The following EDN3 variants were observed in gnomAD, a reference collection of about 807,000 sequenced individuals.
EDN3 encodes endothelin 3.
In EDN3, 9 loss-of-function variants were observed where a neutral mutation model predicts 21.4. The ratio of observed to expected loss-of-function variants is 0.42; its 90% CI spans 0.25 to 0.73. The LOEUF (loss-of-function observed/expected upper bound fraction) is 0.73, where lower values mean the gene tolerates loss of function less well. Among genes scored for constraint, EDN3 ranks in the 30% least tolerant of loss-of-function variants. The pLI is 0.26. For synonymous variants in EDN3, 133 were observed against 126.2 expected (o/e 1.05, Z -0.36); for missense variants, 327 against 309.4 (o/e 1.06, Z -0.43).
At chr20:59,302,761 A>C (rs1284365255) in intron 2 of EDN3, among the ~76,000 whole-genome samples, 1 of 152,126 alleles carries the variant, frequency 6.6e-6, no homozygotes, top group Non-Finnish European at 1.5e-5. Flanking sequence ...AGCCCCTGGA[A>C]GCCTGGAAAG....
rs532030990 is a variant in EDN3 at position 59,324,397 on chromosome 20, A to C, written c.655A>C (p.Ser219Arg). 1.0e-4 allele frequency: 165 copies of C among 1,614,146 alleles called. No individual in the cohort carries two copies. In the South Asian group the frequency reaches 1.7e-3, roughly 17 times the overall value. The change falls in exon 5 of 5, where the codon AGT becomes CGT. Residue 219 changes from serine (S) to arginine (R), a missense_variant. Ser to Arg is a moderately radical substitution (Grantham distance 110, BLOSUM62 -1). Coordinates refer to ENST00000337938, the MANE Select transcript of EDN3 (RefSeq NM_207034.3). The part of the protein sequence containing the change: ...DLHHPKLMPG[S>R]GLALAPSTCP... ...CCACCATCCAAAGCTCATGCCCGGC[A>C]GTGGACTCGCCCTCGCTCCATCTAC...
rs11570354 is a variant in EDN3 at position 59,324,636 on chromosome 20, C to T, written c.*177C>T. 4 of 807,144 alleles carry T rather than the reference C, an allele frequency of 5.0e-6. No homozygotes were observed. Among genetic ancestry groups the T allele is most frequent in the Non-Finnish European group, 8.0e-6 (4 of 502,784 alleles). The allele number at this position is 807,144 out of a possible 1,614,324, so 50.0% of individuals were successfully genotyped here. A position where few individuals can be genotyped will look rare whatever the true frequency, so the allele number is the denominator to read the frequency against. On this transcript the variant is annotated 3_prime_UTR_variant, in exon 5 of 5. Coordinates refer to ENST00000337938, the MANE Select transcript of EDN3 (RefSeq NM_207034.3). ...GGCAAGAATGCCCAAATCCGAATGA[C>T]CCCAGTTTTCCTAATGAGTAAAATG...
chr20:59,320,770 A>C (rs372657294), intron 2 of EDN3, among the ~76,000 whole-genome samples: 22 of 152,298 alleles, frequency 1.4e-4, no homozygotes, highest in African/African-American at 5.3e-4. Flanking sequence ...GCTGCTGCCC[A>C]GCTACCCAGA....
intron 2 of EDN3, among the ~76,000 whole-genome samples, chr20:59,303,008 C>G (rs1237226218): frequency 1.3e-5 from 2 of 152,196 alleles, no homozygotes; most frequent in Non-Finnish European, 2.9e-5. Context: ...AGATCTGGAA[C>G]ATCACCCCAC....
Position 59,321,207 on chromosome 20 carries a change from T to C in EDN3, c.542+14T>C. The C allele has an allele frequency of 6.2e-7, 1 of 1,614,100 alleles. No homozygotes were observed. On this transcript the variant is annotated intron_variant, in intron 3 of 4. Coordinates refer to ENST00000337938, the MANE Select transcript of EDN3 (RefSeq NM_207034.3). ...GGACGTCAGCAGGTATGACACCTCCTCCAGTTTCACTCATTTGCAGATATG... is the reference window on the plus strand; with the variant it reads ...GGACGTCAGCAGGTATGACACCTCCCCCAGTTTCACTCATTTGCAGATATG...
chr20:59,301,051 C>T (rs1988974566), intron 1 of EDN3, among the ~76,000 whole-genome samples, 187 bp downstream of exon 1: 1 of 152,212 alleles, frequency 6.6e-6, no homozygotes. Flanking sequence ...CCCGCACGGG[C>T]TCCGGGAGTT....
chr20:59,306,499 G>A (rs1450056877), intron 2 of EDN3, among the ~76,000 whole-genome samples: 5 of 150,600 alleles, frequency 3.3e-5, no homozygotes, highest in East Asian at 3.9e-4. Flanking sequence ...TGCCCAGGCC[G>A]GCTTCCCAGG....
chr20:59,325,621 T>G lies in EDN3; in HGVS notation c.*1162T>G, dbSNP rs1452649627. The G allele has an allele frequency of 6.6e-6, 1 of 152,210 alleles. No homozygotes were observed. Among genetic ancestry groups the G allele is most frequent in the Admixed American group, 6.5e-5 (1 of 15,286 alleles). The allele number at this position is 152,210 out of a possible 1,614,324, so 9.4% of individuals were successfully genotyped here. On this transcript the variant is annotated 3_prime_UTR_variant, in exon 5 of 5. Transcript: ENST00000337938. ...CAAATGTTAAATCCTCTGTGTGTAT[T>G]TCATAAGTTATTACAGGTATAAAAG...
At chr20:59,324,088 G>T (rs1990701092) in intron 4 of EDN3, among the ~76,000 whole-genome samples, 1 of 152,206 alleles carries the variant, frequency 6.6e-6, no homozygotes, top group Admixed American at 6.5e-5. Flanking sequence ...ATGGGGCCAG[G>T]CTGCGGGAGG....
rs535224919 is a variant in EDN3, at chr20:59,307,477, A to G, written c.365+5755A>G. On this transcript the variant is annotated intron_variant, in intron 2 of 4. Transcript: ENST00000337938. ...CTGCCAGCCCAGAAGTTTGGCCCTG[A>G]AGCCTGCCCTGTAAGCCTCCTCCTG... 1.4e-4 allele frequency among the ~76,000 whole-genome samples: 21 copies of G among 152,282 alleles called. No individual in the cohort carries two copies. In the South Asian group the frequency reaches 4.4e-3, roughly 32 times the overall value.
intron 2 of EDN3, among the ~76,000 whole-genome samples, chr20:59,320,754 G>C (rs1990482560): frequency 6.6e-6 from 1 of 152,232 alleles, no homozygotes; most frequent in South Asian, 2.1e-4. Context: ...GGCTCCAAGA[G>C]TGCTGGCTGC....
At position 59,324,641 on chromosome 20, in the gene EDN3, G is replaced by C. The variant is rs1990744358; in HGVS notation, c.*182G>C. 1.0e-5 allele frequency: 8 copies of C among 773,856 alleles called. No individual in the cohort carries two copies. In the Admixed American group the frequency reaches 1.8e-4, roughly 17 times the overall value. 47.9% of individuals were successfully genotyped at this position (773,856 alleles called of 1,614,324 possible). ...GAATGCCCAAATCCGAATGACCCCA[G>C]TTTTCCTAATGAGTAAAATGATCCC... is the stretch of plus-strand genomic sequence containing the variant. On this transcript the variant is annotated 3_prime_UTR_variant, in exon 5 of 5. Coordinates refer to ENST00000337938, the MANE Select transcript of EDN3 (RefSeq NM_207034.3).
At chr20:59,309,344 A>G (rs1382782663) in intron 2 of EDN3, among the ~76,000 whole-genome samples, 1 of 152,170 alleles carries the variant, frequency 6.6e-6, no homozygotes. Context: ...CAGAGTAGAT[A>G]TAATGCCTTG....
intron 1 of EDN3, 83 bp from the exon 2 acceptor site, chr20:59,301,327 C>T (rs774160187): frequency 3.5e-4 from 527 of 1,519,284 alleles, no homozygotes; most frequent in Middle Eastern, 3.2e-3. Flanking sequence ...CTTGCTCCAC[C>T]CCCCTCCTCA....
At chr20:59,314,587 G>GT (rs1478999980) in intron 2 of EDN3, among the ~76,000 whole-genome samples, 8 of 152,164 alleles carry the variant, frequency 5.3e-5, no homozygotes, top group Admixed American at 6.5e-5. Flanking sequence ...CTGATCTCGA[G>GT]TTGCCCCTCT....
chr20:59,302,819 C>T (rs1163898423), intron 2 of EDN3, among the ~76,000 whole-genome samples: 2 of 152,190 alleles, frequency 1.3e-5, no homozygotes, highest in East Asian at 3.9e-4. Flanking sequence ...AGGTTCCTCA[C>T]GGTCACCTTT....
At chr20:59,302,423 A>G (rs915907089) in intron 2 of EDN3, among the ~76,000 whole-genome samples, 7 of 151,952 alleles carry the variant, frequency 4.6e-5, no homozygotes, top group Non-Finnish European at 8.8e-5. Context: ...CACCATCCTG[A>G]ATTTGTCTTG....
In EDN3 at chr20:59,305,763, C is replaced by T. The variant is rs1382609017; in HGVS notation, c.365+4041C>T. Among the ~76,000 whole-genome samples the T allele has an allele frequency of 1.3e-5, 2 of 152,294 alleles. No individual in the cohort carries two copies. The highest frequency in any genetic ancestry group is 6.8e-3 in the Middle Eastern group (2 of 294). ...GCAGAATTCTTTTCTGTTCGGGAACCTGTCTTTTCTGTGAAGGCCCTCAAC... is the reference window on the plus strand; with the variant it reads ...GCAGAATTCTTTTCTGTTCGGGAACTTGTCTTTTCTGTGAAGGCCCTCAAC... On this transcript the variant is annotated intron_variant, in intron 2 of 4. Transcript: ENST00000337938. The surrounding 1 kb of genome is among the most constrained non-coding windows in gnomAD (Gnocchi z 4.2).
chr20:59,301,760 G>A, intron 2 of EDN3, 38 bp downstream of exon 2: 1 of 1,607,930 alleles, frequency 6.2e-7, no homozygotes, highest in Non-Finnish European at 8.5e-7. Context: ...GTGGCTCCCG[G>A]ACCAGGCCCA....
Sources: allele counts gnomAD v4.1 joint callset (sites outside exome capture counted in the v4.1 genomes callset), GRCh38; gene constraint gnomAD v4.1.1; non-coding constraint Gnocchi (gnomAD v3.1); transcripts MANE v1.5; gene names NCBI Gene and HGNC (gene_info 2026-07-23, HGNC 2026-07-21).